Variants in GRB14 observed in about 807,000 individuals in gnomAD.
GRB14 encodes growth factor receptor bound protein 14.
GRB14 carries 38 observed loss-of-function variants against 69.1 expected under a neutral mutation model. The observed-to-expected ratio is 0.55, with a 90% CI of 0.42 to 0.72. The LOEUF (loss-of-function observed/expected upper bound fraction) is 0.72, where lower values mean the gene tolerates loss of function less well. Ranked by LOEUF, GRB14 falls within the 30% of genes least tolerant of loss-of-function variation. The pLI, the probability that GRB14 is intolerant of heterozygous loss-of-function variation, is 0.00. For missense variants in GRB14, 666 were observed against 666.1 expected, an observed-to-expected ratio of 1.00 and a Z score of 0.00; for synonymous variants, 247 against 241.3, an observed-to-expected ratio of 1.02 and a Z score of -0.22.
At chr2:164,508,655 T>G (rs1687255993) in intron 7 of GRB14, 87 bp downstream of exon 7, 5 of 1,433,630 alleles carry the variant, frequency 3.5e-6, no homozygotes, top group South Asian at 2.5e-5. Flanking sequence ...GAAAGCTGTC[T>G]CTTTTCAAAA....
intron 2 of GRB14, among the ~76,000 whole-genome samples, chr2:164,614,398 T>C (rs1264424821): frequency 1.3e-5 from 2 of 152,198 alleles, no homozygotes; most frequent in African/African-American, 4.8e-5. Flanking sequence ...TTTTCAGACA[T>C]TTGAAAGCTA....
chr2:164,540,285 C>T (rs1054892862), intron 3 of GRB14, among the ~76,000 whole-genome samples: 11 of 152,188 alleles, frequency 7.2e-5, no homozygotes, highest in African/African-American at 1.9e-4. Flanking sequence ...AACATCACTC[C>T]GTCAGGGAGG....
chr2:164,580,594 C>T (rs1689377826), intron 2 of GRB14, among the ~76,000 whole-genome samples: 1 of 151,832 alleles, frequency 6.6e-6, no homozygotes, highest in African/African-American at 2.4e-5. Context: ...ATCCCAATTA[C>T]TCAGGAGGCT....
At chr2:164,589,699 C>T (rs1437839537) in intron 2 of GRB14, among the ~76,000 whole-genome samples, 1 of 152,070 alleles carries the variant, frequency 6.6e-6, no homozygotes, top group Admixed American at 6.5e-5. Context: ...CCCATCTCCA[C>T]CAATGGGGAT....
chr2:164,525,550 C>A (rs573117361), intron 4 of GRB14, among the ~76,000 whole-genome samples: 1 of 152,128 alleles, frequency 6.6e-6, no homozygotes, highest in South Asian at 2.1e-4. Context: ...TTTCTACCTA[C>A]CATTTTTCCA....
intron 2 of GRB14, among the ~76,000 whole-genome samples, chr2:164,569,126 G>T (rs1044116497): frequency 6.6e-6 from 1 of 152,038 alleles, no homozygotes; most frequent in Non-Finnish European, 1.5e-5. Flanking sequence ...TTTTTAAAAA[G>T]CACAAATGTG....
intron 6 of GRB14, among the ~76,000 whole-genome samples, chr2:164,512,387 T>A (rs1445556849): frequency 1.3e-5 from 2 of 152,056 alleles, no homozygotes; most frequent in African/African-American, 4.8e-5. Flanking sequence ...GGCTGGTCTC[T>A]AACTCCTGAC....
chr2:164,593,245 G>A (rs986573770), intron 2 of GRB14, among the ~76,000 whole-genome samples: 1 of 152,046 alleles, frequency 6.6e-6, no homozygotes, highest in Non-Finnish European at 1.5e-5. Context: ...GAGAACAGGA[G>A]CAAGACTTTT....
At chr2:164,577,535 G>C (rs547713793) in intron 2 of GRB14, among the ~76,000 whole-genome samples, 143 of 152,272 alleles carry the variant, frequency 9.4e-4, no homozygotes, top group Middle Eastern at 3.4e-3. Flanking sequence ...TCACCCTTCT[G>C]CCGTGATTTT....
At chr2:164,537,137 C>T (rs1418227099) in intron 3 of GRB14, among the ~76,000 whole-genome samples, 1 of 152,172 alleles carries the variant, frequency 6.6e-6, no homozygotes, top group Non-Finnish European at 1.5e-5. Context: ...TTCTACTTCA[C>T]AAGGCTGAGC....
chr2:164,594,626 C>T (rs1689741233), intron 2 of GRB14, among the ~76,000 whole-genome samples: 1 of 152,170 alleles, frequency 6.6e-6, no homozygotes, highest in Admixed American at 6.5e-5. Context: ...ACTTTGGACT[C>T]ACCCATAACT....
Position 164,508,557 on chromosome 2 carries a change from G to A in GRB14, c.928-7C>T, listed in dbSNP as rs1241550238. ...GCCCTCCCGCTTTGTTAGGCTAGAA[G>A]GCCACAGCACATTGTTTATCGTTAA... On this transcript the variant is annotated splice_polypyrimidine_tract_variant and splice_region_variant and intron_variant, in intron 7 of 13. Transcript: ENST00000263915. The A allele has an allele frequency of 6.2e-6, 10 of 1,612,472 alleles. No individual in the cohort carries two copies. In the South Asian group the frequency reaches 1.1e-4, roughly 18 times the overall value.
intron 2 of GRB14, among the ~76,000 whole-genome samples, chr2:164,599,529 C>G (rs1269959985): frequency 6.6e-6 from 1 of 152,148 alleles, no homozygotes; most frequent in Admixed American, 6.5e-5. Flanking sequence ...GAAAACTTCA[C>G]AGTTTGACAA....
chr2:164,496,975 A>T (rs770891875), intron 12 of GRB14, 33 bp downstream of exon 12: 1 of 1,515,798 alleles, frequency 6.6e-7, no homozygotes, highest in Middle Eastern at 1.7e-4. Flanking sequence ...AATCCAATTC[A>T]CAAGTACTCA....
chr2:164,508,067 A>G (rs1269777022), intron 8 of GRB14, among the ~76,000 whole-genome samples: 1 of 152,242 alleles, frequency 6.6e-6, no homozygotes, highest in Non-Finnish European at 1.5e-5. Context: ...CAAAACAGTT[A>G]CATTAAATAT....
intron 12 of GRB14, among the ~76,000 whole-genome samples, chr2:164,495,853 A>G (rs1216039075): frequency 6.6e-6 from 1 of 152,242 alleles, no homozygotes; most frequent in Non-Finnish European, 1.5e-5. Context: ...CTCCAAAAGA[A>G]TACCAAAAAT....
At chr2:164,607,100 C>T (rs1377162738) in intron 2 of GRB14, among the ~76,000 whole-genome samples, 1 of 152,202 alleles carries the variant, frequency 6.6e-6, no homozygotes, top group Non-Finnish European at 1.5e-5. Context: ...AAACATTTAT[C>T]CTGACCAGGC....
At chr2:164,530,857 T>C (rs1284632335) in intron 3 of GRB14, among the ~76,000 whole-genome samples, 1 of 152,180 alleles carries the variant, frequency 6.6e-6, no homozygotes, top group Non-Finnish European at 1.5e-5. Context: ...AGGAATAACA[T>C]GAACTAACAA....
At chr2:164,496,979 G>A in intron 12 of GRB14, 29 bp downstream of exon 12, 1 of 1,533,024 alleles carries the variant, frequency 6.5e-7, no homozygotes, top group South Asian at 1.1e-5. Flanking sequence ...CAATTCACAA[G>A]TACTCAAAAT....
Sources: allele counts gnomAD v4.1 joint callset (sites outside exome capture counted in the v4.1 genomes callset), GRCh38; gene constraint gnomAD v4.1.1; transcripts MANE v1.5; gene names NCBI Gene and HGNC (gene_info 2026-07-23, HGNC 2026-07-21).